CDKAL1: variants seen among roughly 807,000 people sequenced by gnomAD.
CDKAL1 encodes CDKAL1 threonylcarbamoyladenosine tRNA methylthiotransferase.
Under a neutral mutation model 68.2 loss-of-function variants are expected in CDKAL1, and 32 were observed. The ratio of observed to expected loss-of-function variants is 0.47; its 90% CI spans 0.35 to 0.63. CDKAL1 has a LOEUF of 0.63. Among genes scored for constraint, CDKAL1 ranks in the 30% least tolerant of loss-of-function variants. CDKAL1 has a pLI of 0.00. For missense variants in CDKAL1, 606 were observed against 696.7 expected (o/e 0.87, Z 1.47); for synonymous variants, 234 against 244.3 (o/e 0.96, Z 0.39).
intron 8 of CDKAL1, among the ~76,000 whole-genome samples, chr6:20,795,521 G>C (rs1242134680): frequency 6.6e-6 from 1 of 152,120 alleles, no homozygotes; most frequent in Non-Finnish European, 1.5e-5. Context: ...AATAGTGGTT[G>C]AGAAAGGCTG....
intron 4 of CDKAL1, among the ~76,000 whole-genome samples, chr6:20,605,286 CA>C (rs1346220649): frequency 2.0e-5 from 3 of 152,172 alleles, no homozygotes; most frequent in African/African-American, 7.2e-5. Context: ...TGGGTCACTC[CA>C]CCAGGTAAAG....
intron 10 of CDKAL1, among the ~76,000 whole-genome samples, chr6:20,988,414 C>T (rs966463031): frequency 6.6e-6 from 1 of 152,110 alleles, no homozygotes; most frequent in African/African-American, 2.4e-5. Flanking sequence ...TTCAGTAGCC[C>T]TGTCAACACG....
At chr6:20,702,276 C>T (rs1291932248) in intron 5 of CDKAL1, among the ~76,000 whole-genome samples, 2 of 152,118 alleles carry the variant, frequency 1.3e-5, no homozygotes, top group African/African-American at 4.8e-5. Flanking sequence ...AGGGTGGATG[C>T]TTACAGCTCC....
At chr6:20,799,040 G>GTTGTTTTTTTT (rs1776242510) in intron 8 of CDKAL1, among the ~76,000 whole-genome samples, 1 of 47,482 alleles carries the variant, frequency 2.1e-5, no homozygotes, top group African/African-American at 8.5e-5. Context: ...AAAGAACTGA[G>GTTGTTTTTTTT]TTTTTTTTTT....
intron 9 of CDKAL1, among the ~76,000 whole-genome samples, chr6:20,901,964 TG>T (rs1187349181): frequency 1.3e-5 from 2 of 152,018 alleles, no homozygotes; most frequent in East Asian, 3.9e-4. Flanking sequence ...TTAGTAGAGA[TG>T]GGGTTTCGCC....
intron 11 of CDKAL1, among the ~76,000 whole-genome samples, chr6:21,025,247 A>G (rs1392261527): frequency 6.6e-6 from 1 of 152,186 alleles, no homozygotes; most frequent in Non-Finnish European, 1.5e-5. Context: ...TTTTTGGACT[A>G]TAAAAATGGG....
chr6:20,973,577 A>C (rs942239940), intron 10 of CDKAL1, among the ~76,000 whole-genome samples: 3 of 152,170 alleles, frequency 2.0e-5, no homozygotes, highest in African/African-American at 7.2e-5. Context: ...CAGGTGATCC[A>C]ACATAGGATC....
At position 20,546,356 on chromosome 6, in the gene CDKAL1, T is replaced by G. The variant is rs1763602634; in HGVS notation, c.6T>G (p.Pro2=). 1.9e-6 allele frequency: 3 copies of G among 1,610,854 alleles called. No homozygotes were observed. The Admixed American group carries it at 5.0e-5, about 27-fold the overall frequency. ...ACTTTTATGTGGTAGAGAATATGCCTTCTGCATCCTGTGATACACTACTGG... is the reference window on the plus strand; with the variant it reads ...ACTTTTATGTGGTAGAGAATATGCCGTCTGCATCCTGTGATACACTACTGG... M[P]SASCDTLLDD... is the part of the protein sequence containing the mutation. The change falls in exon 3 of 16, where the codon CCT becomes CCG. Residue 2 remains proline, a synonymous_variant. Transcript: ENST00000274695.
At chr6:21,195,527 T>G (rs1193917466) in intron 13 of CDKAL1, among the ~76,000 whole-genome samples, 3 of 145,298 alleles carry the variant, frequency 2.1e-5, no homozygotes, top group Non-Finnish European at 4.5e-5. Context: ...ATTTATTTAT[T>G]TGAGACAGGG....
chr6:21,067,447 T>C (rs1771520244), intron 12 of CDKAL1, among the ~76,000 whole-genome samples: 1 of 152,126 alleles, frequency 6.6e-6, no homozygotes. Context: ...TCACAGTTTA[T>C]TCATCCTATT....
intron 8 of CDKAL1, among the ~76,000 whole-genome samples, chr6:20,791,240 G>A (rs1360233763): frequency 2.0e-5 from 3 of 152,178 alleles, no homozygotes; most frequent in Admixed American, 1.3e-4. Context: ...TTGTGAGAAT[G>A]AAAAGAGGTC....
intron 9 of CDKAL1, among the ~76,000 whole-genome samples, chr6:20,913,241 C>T (rs1028479762): frequency 6.6e-6 from 1 of 152,084 alleles, no homozygotes; most frequent in Non-Finnish European, 1.5e-5. Context: ...CTTACCTCTA[C>T]TCAGGGTCTC....
rs370431327 is a variant in CDKAL1, at chr6:20,607,644, C to T, written c.287-41649C>T. On this transcript the variant is annotated intron_variant, in intron 4 of 15. Coordinates refer to ENST00000274695, the MANE Select transcript of CDKAL1 (RefSeq NM_017774.3). Reference sequence around the variant, plus strand: ...TTATTTTTGTTTGTTTGTTTAAACCCGTTGCTGTTGTGTCATTAAGAATGT... The same window carrying T: ...TTATTTTTGTTTGTTTGTTTAAACCTGTTGCTGTTGTGTCATTAAGAATGT... Among the ~76,000 whole-genome samples the T allele has an allele frequency of 1.5e-4, 22 of 150,696 alleles. No individual in the cohort carries two copies. In the East Asian group the frequency reaches 2.1e-3, roughly 15 times the overall value.
chr6:21,057,121 G>C (rs994882775), intron 11 of CDKAL1, among the ~76,000 whole-genome samples: 9 of 152,096 alleles, frequency 5.9e-5, no homozygotes, highest in African/African-American at 1.7e-4. Context: ...TGTACCTCTG[G>C]TATAATTCAG....
chr6:21,049,512 T>G (rs1047412044), intron 11 of CDKAL1, among the ~76,000 whole-genome samples: 25 of 152,192 alleles, frequency 1.6e-4, no homozygotes, highest in Non-Finnish European at 3.4e-4. Context: ...TGAAATTTAA[T>G]ATGGTTTCTT....
At chr6:20,538,843 GCATTGTGTT>G (rs1475872795) in intron 2 of CDKAL1, among the ~76,000 whole-genome samples, 2 of 152,184 alleles carry the variant, frequency 1.3e-5, no homozygotes, top group Non-Finnish European at 2.9e-5. Context: ...TTCAACTTAA[GCATTGTGTT>G]CATTCATTTA....
rs766001444 is a variant in CDKAL1 at position 20,653,903 on chromosome 6, G to A, written c.371+4526G>A. ...TGGGATTACAGACGTGAGCCACTGC[G>A]CCTAGTCAATTTTTTATATTTTTAG... On this transcript the variant is annotated intron_variant, in intron 5 of 15. Transcript: ENST00000274695. Among the ~76,000 whole-genome samples, 6 of 152,162 alleles carry A rather than the reference G, an allele frequency of 3.9e-5. No homozygotes were observed. The South Asian group carries it at 6.2e-4, about 16-fold the overall frequency.
chr6:20,679,588 G>A (rs1353119102), intron 5 of CDKAL1, among the ~76,000 whole-genome samples: 3 of 152,160 alleles, frequency 2.0e-5, no homozygotes, highest in African/African-American at 7.2e-5. Context: ...TTCTTCAAGA[G>A]GGGATTATGG....
chr6:20,569,153 G>A (rs1326060730), intron 4 of CDKAL1, among the ~76,000 whole-genome samples: 1 of 152,168 alleles, frequency 6.6e-6, no homozygotes, highest in Non-Finnish European at 1.5e-5. Flanking sequence ...GTAAAACGTT[G>A]AATGATTTGT....
Sources: gnomAD v4.1 joint callset for allele counts (sites outside exome capture counted in the v4.1 genomes callset) on GRCh38, gnomAD v4.1.1 for gene constraint, MANE v1.5 for transcripts, NCBI Gene and HGNC (gene_info 2026-07-23, HGNC 2026-07-21) for gene names.